Variants in ESCO2 observed in about 807,000 individuals in gnomAD.
The protein encoded by ESCO2 is N-acetyltransferase ESCO2.
Under a neutral mutation model 61.7 loss-of-function variants are expected in ESCO2, and 51 were observed. The ratio of observed to expected loss-of-function variants is 0.83; its 90% CI spans 0.66 to 1.04. The LOEUF (loss-of-function observed/expected upper bound fraction) is 1.04. Ranked by LOEUF, ESCO2 falls within the 50% of genes least tolerant of loss-of-function variation. The pLI, the probability that ESCO2 is intolerant of heterozygous loss-of-function variation, is 0.00. For missense variants in ESCO2, 692 were observed against 686.2 expected (o/e 1.01, Z -0.09); for synonymous variants, 230 against 238.2 (o/e 0.97, Z 0.32).
At chr8:27,788,423 A>G (rs1432348639) in intron 6 of ESCO2, among the ~76,000 whole-genome samples, 1 of 152,184 alleles carries the variant, frequency 6.6e-6, no homozygotes, top group African/African-American at 2.4e-5. Flanking sequence ...CCATGAGTCT[A>G]GTAAATAATC....
chr8:27,780,263 G>C lies in ESCO2; in HGVS notation c.951G>C (p.Lys317Asn), dbSNP rs1247427174. 2 of 1,589,354 alleles carry C rather than the reference G, an allele frequency of 1.3e-6. No individual in the cohort carries two copies. Among genetic ancestry groups the C allele is most frequent in the Non-Finnish European group, 1.7e-6 (2 of 1,157,894 alleles). The change falls in exon 4 of 11, where the codon AAG becomes AAC. Residue 317 changes from lysine (K) to asparagine (N), a missense_variant. Transcript: ENST00000305188. The stretch of plus-strand genomic sequence containing the variant: ...CAGAGGATTCTCTTGGTGAGAATAA[G>C]ACAAGTAAGAGAAAACTCGCATGAA... ...FSSEDSLGEN[K>N]TISPKSTVYP...
chr8:27,799,229 A>T (rs1805369732), intron 9 of ESCO2, among the ~76,000 whole-genome samples: 1 of 152,198 alleles, frequency 6.6e-6, no homozygotes, highest in Non-Finnish European at 1.5e-5. Flanking sequence ...GGTCATATAT[A>T]CATTTTAGGA....
intron 9 of ESCO2, among the ~76,000 whole-genome samples, chr8:27,796,085 GTTTTT>G (rs199966804): frequency 6.9e-6 from 1 of 145,854 alleles, no homozygotes; most frequent in Non-Finnish European, 1.5e-5. Context: ...TATGATGCAA[GTTTTT>G]TTTTTTTTCT....
At chr8:27,791,860 T>C (rs1805182487) in intron 7 of ESCO2, 103 bp from the exon 8 acceptor site, 1 of 950,168 alleles carries the variant, frequency 1.1e-6, no homozygotes. Flanking sequence ...TTTTTATATC[T>C]ATTATTGTTT....
chr8:27,810,908 T>C, downstream of ESCO2: 1 of 1,162,938 alleles, frequency 8.6e-7, no homozygotes, highest in Non-Finnish European at 1.3e-6. Flanking sequence ...TATATAATCT[T>C]TAGTGTGAAA....
intron 5 of ESCO2, among the ~76,000 whole-genome samples, chr8:27,786,807 T>TGACAAAGTAGAAAAAACC (rs1805053568): frequency 2.0e-5 from 3 of 150,532 alleles, no homozygotes. Flanking sequence ...TTTTTCTACT[T>TGACAAAGTAGAAAAAACC]TGTCAGGTTT....
At chr8:27,811,772 G>A (rs559256154), downstream of ESCO2, among the ~76,000 whole-genome samples, 4 of 152,150 alleles carry the variant, frequency 2.6e-5, no homozygotes, top group African/African-American at 9.6e-5. Flanking sequence ...CTTCCAAACC[G>A]CAGTCATATA....
At chr8:27,818,007 A>C in the ESCO2 span, among the ~76,000 whole-genome samples, 25,141 of 152,148 alleles carry the variant, frequency 0.17, 2,707 homozygotes, top group East Asian at 0.37. Context: ...TGTAAATAGC[A>C]ACATGCAGCT....
At chr8:27,812,847 T>C (rs923437009), downstream of ESCO2, among the ~76,000 whole-genome samples, 25 of 152,182 alleles carry the variant, frequency 1.6e-4, no homozygotes, top group Admixed American at 1.3e-4. Context: ...TGTGGAGAAA[T>C]AGGAATGCTT....
At chr8:27,772,777 A>G, upstream of ESCO2, 1 of 553,258 alleles carries the variant, frequency 1.8e-6, no homozygotes. Flanking sequence ...GAGGCTGGGC[A>G]TCTTGGGCAC....
downstream of ESCO2, chr8:27,810,816 CTA>C (rs767410503): frequency 1.7e-5 from 11 of 649,890 alleles, no homozygotes; most frequent in Non-Finnish European, 2.9e-5. Context: ...TATTCTCAAT[CTA>C]TGTCTCATTT....
chr8:27,784,716 C>T (rs7842005), intron 5 of ESCO2, among the ~76,000 whole-genome samples: 61,543 of 151,920 alleles, frequency 0.41, 12,902 homozygotes, highest in East Asian at 0.62. Flanking sequence ...GCATGATAGG[C>T]GGCAGAGCTC....
At chr8:27,815,074 AG>A (rs1286770488), downstream of ESCO2, among the ~76,000 whole-genome samples, 1 of 152,208 alleles carries the variant, frequency 6.6e-6, no homozygotes, top group Non-Finnish European at 1.5e-5. Flanking sequence ...AATAGAAAGA[AG>A]ACACAGTGGG....
Position 27,786,428 on chromosome 8 carries a change from G to C in ESCO2, c.1014-1457G>C, listed in dbSNP as rs190783487. ...TATAGATAATCGCAAGAAACACTGT[G>C]CCTGGGCATGACTGCCCTCAGCATT... is the stretch of plus-strand genomic sequence containing the variant. On this transcript the variant is annotated intron_variant, in intron 5 of 10. Coordinates refer to ENST00000305188, the MANE Select transcript of ESCO2 (RefSeq NM_001017420.3). Among the ~76,000 whole-genome samples the C allele has an allele frequency of 8.2e-4, 125 of 152,290 alleles. 1 individual carries two copies. The highest frequency in any genetic ancestry group is 2.6e-4 in the Non-Finnish European group (18 of 68,028).
chr8:27,802,607 CAAAAAAAA>C (rs1188348304), intron 10 of ESCO2, among the ~76,000 whole-genome samples: 1 of 29,194 alleles, frequency 3.4e-5, no homozygotes, highest in Non-Finnish European at 8.7e-5. Flanking sequence ...GACTCTGTCT[CAAAAAAAA>C]AAAAAAAAAA....
At chr8:27,818,258 A>C in the ESCO2 span, among the ~76,000 whole-genome samples, 1 of 152,260 alleles carries the variant, frequency 6.6e-6, no homozygotes, top group African/African-American at 2.4e-5. Flanking sequence ...CAGCAGTTAC[A>C]AGTTCTACTT....
At chr8:27,781,936 C>G (rs1270610395) in intron 4 of ESCO2, among the ~76,000 whole-genome samples, 4 of 152,138 alleles carry the variant, frequency 2.6e-5, no homozygotes, top group Non-Finnish European at 4.4e-5. Flanking sequence ...TATTTGGAAT[C>G]TTCTATTAAT....
intron 9 of ESCO2, among the ~76,000 whole-genome samples, chr8:27,796,316 TTC>T (rs1805295699): frequency 6.6e-6 from 1 of 152,124 alleles, no homozygotes; most frequent in African/African-American, 2.4e-5. Context: ...TAGTTGAGTC[TTC>T]TTTTTTCTTA....
chr8:27,798,523 TTAAG>T (rs1805354460), intron 9 of ESCO2, among the ~76,000 whole-genome samples: 2 of 151,880 alleles, frequency 1.3e-5, no homozygotes, highest in African/African-American at 4.8e-5. Flanking sequence ...TCCTGGGCAT[TTAAG>T]TAAAACAAAG....
Sources: gnomAD v4.1 joint callset for allele counts (sites outside exome capture counted in the v4.1 genomes callset) on GRCh38, gnomAD v4.1.1 for gene constraint, MANE v1.5 for transcripts, NCBI Gene and HGNC (gene_info 2026-07-23, HGNC 2026-07-21) for gene names.